Variants in LRBA observed in about 807,000 individuals in gnomAD.
The protein encoded by LRBA is lipopolysaccharide-responsive and beige-like anchor protein.
LRBA carries 176 observed loss-of-function variants against 330.0 expected under a neutral mutation model. The observed-to-expected ratio is 0.53, with a 90% CI of 0.47 to 0.60. The LOEUF (loss-of-function observed/expected upper bound fraction) is 0.60, where lower values mean the gene tolerates loss of function less well. Ranked by LOEUF, LRBA falls within the 20% of genes least tolerant of loss-of-function variation. The pLI, the probability that LRBA is intolerant of heterozygous loss-of-function variation, is 0.00. For synonymous variants in LRBA, 1,230 were observed against 1,193.0 expected, an observed-to-expected ratio of 1.03 and a Z score of -0.64; for missense variants, 3,259 against 3,444.8, an observed-to-expected ratio of 0.95 and a Z score of 1.35.
intron 40 of LRBA, among the ~76,000 whole-genome samples, chr4:150,499,929 G>A (rs1760037796): frequency 6.6e-6 from 1 of 151,994 alleles, no homozygotes; most frequent in Non-Finnish European, 1.5e-5. Context: ...GGATACTAGA[G>A]GTTGGAAAGT....
At chr4:150,960,998 G>A (rs1269983986) in intron 2 of LRBA, among the ~76,000 whole-genome samples, 1 of 149,156 alleles carries the variant, frequency 6.7e-6, no homozygotes, top group Non-Finnish European at 1.5e-5. Flanking sequence ...AGCTGCCTCA[G>A]GGAACATGGC....
At chr4:150,848,205 G>T (rs1750117339) in intron 26 of LRBA, among the ~76,000 whole-genome samples, 1 of 152,036 alleles carries the variant, frequency 6.6e-6, no homozygotes, top group African/African-American at 2.4e-5. Flanking sequence ...AGTAAAGACG[G>T]GGTTTCACCA....
chr4:150,306,608 C>T (rs1730388236), intron 52 of LRBA, among the ~76,000 whole-genome samples: 1 of 152,060 alleles, frequency 6.6e-6, no homozygotes, highest in Admixed American at 6.5e-5. Context: ...AAGTTTAAGG[C>T]TATTCCTTAT....
intron 45 of LRBA, 26 bp from the exon 46 acceptor site, chr4:150,435,734 C>T (rs756465412): frequency 1.3e-6 from 2 of 1,582,398 alleles, no homozygotes; most frequent in African/African-American, 1.4e-5. Flanking sequence ...TAAAAAAATC[C>T]ATATGTTCCC....
chr4:150,737,934 T>C (rs1021411411), intron 35 of LRBA, among the ~76,000 whole-genome samples: 2 of 151,526 alleles, frequency 1.3e-5, no homozygotes, highest in African/African-American at 2.4e-5. Context: ...ATGGTATGTA[T>C]ATAACCCCAA....
chr4:150,828,636 G>A lies in LRBA; in HGVS notation c.4730-15C>T. ...TGGTGTGATTTCTATATCATACCCA[G>A]AAACACAAGAAATAAACAAACAAAA... On this transcript the variant is annotated splice_polypyrimidine_tract_variant and intron_variant, in intron 29 of 56. Coordinates refer to ENST00000651943, the MANE Select transcript of LRBA (RefSeq NM_001364905.1). 9 of 1,586,582 alleles carry A rather than the reference G, an allele frequency of 5.7e-6. No homozygotes were observed. Among genetic ancestry groups the A allele is most frequent in the Non-Finnish European group, 7.7e-6 (9 of 1,164,796 alleles).
Position 150,828,922 on chromosome 4 carries a change from G to GTGTGTGTGTGT in LRBA, c.4730-302_4730-301insACACACACACA, listed in dbSNP as rs1560878315. On this transcript the variant is annotated intron_variant, in intron 29 of 56. Transcript: ENST00000651943. ...GAAAAAGTCTATAATCTTTTTTGGG[G>GTGTGTGTGTGT]GTGTGTGTGTGTGTGTGTGTGTGTG... Among the ~76,000 whole-genome samples, 306 of 106,234 alleles carry GTGTGTGTGTGT rather than the reference G, an allele frequency of 2.9e-3. 7 individuals carry two copies. Among genetic ancestry groups the GTGTGTGTGTGT allele is most frequent in the East Asian group, 4.6e-3 (17 of 3,732 alleles). 69.7% of individuals were successfully genotyped at this position (106,234 alleles called of 152,430 possible). A position where few individuals can be genotyped will look rare whatever the true frequency, so the allele number is the denominator to read the frequency against.
chr4:150,703,067 G>GT (rs1280488517), intron 36 of LRBA, among the ~76,000 whole-genome samples: 12 of 152,204 alleles, frequency 7.9e-5, no homozygotes, highest in East Asian at 7.7e-4. Context: ...AGGCTGAGGC[G>GT]TAAGAATCGC....
At chr4:151,006,312 G>A (rs1387517927) in intron 2 of LRBA, among the ~76,000 whole-genome samples, 2 of 151,740 alleles carry the variant, frequency 1.3e-5, no homozygotes, top group African/African-American at 4.8e-5. Context: ...GGTGACAGAG[G>A]GAGACTCCGT....
chr4:150,568,430 T>A (rs932647574), intron 40 of LRBA, among the ~76,000 whole-genome samples: 1 of 152,208 alleles, frequency 6.6e-6, no homozygotes, highest in Non-Finnish European at 1.5e-5. Context: ...ATTAAACCAC[T>A]GACAATTTTC....
intron 46 of LRBA, among the ~76,000 whole-genome samples, chr4:150,419,097 G>A (rs1748208811): frequency 6.6e-6 from 1 of 152,106 alleles, no homozygotes; most frequent in African/African-American, 2.4e-5. Context: ...AGGTAACACT[G>A]CTAGGCTAAT....
intron 37 of LRBA, among the ~76,000 whole-genome samples, chr4:150,639,736 AATATATATATATAT>A (rs1212252752): frequency 1.2e-4 from 6 of 51,152 alleles, no homozygotes; most frequent in East Asian, 5.4e-4. Flanking sequence ...CTATGCCCCA[AATATATATATATAT>A]ATATATATAT....
chr4:150,506,698 A>T (rs1237359789), intron 40 of LRBA, among the ~76,000 whole-genome samples: 3 of 152,328 alleles, frequency 2.0e-5, no homozygotes, highest in African/African-American at 7.2e-5. Context: ...CACCACTCTT[A>T]TTCAACATAG....
intron 4 of LRBA, among the ~76,000 whole-genome samples, chr4:150,925,393 G>C (rs1455805182): frequency 1.3e-5 from 2 of 152,034 alleles, no homozygotes; most frequent in Non-Finnish European, 2.9e-5. Context: ...TGTATTTTAT[G>C]GATCTATGTG....
chr4:150,284,111 G>GA (rs1327282400), intron 54 of LRBA, among the ~76,000 whole-genome samples: 24 of 152,302 alleles, frequency 1.6e-4, no homozygotes, highest in African/African-American at 5.5e-4. Flanking sequence ...CTGCCTGTGG[G>GA]ATGCTGACCC....
chr4:150,635,720 C>T (rs2126688145), intron 37 of LRBA, among the ~76,000 whole-genome samples: 1 of 152,200 alleles, frequency 6.6e-6, no homozygotes, highest in East Asian at 1.9e-4. Context: ...AATAATATAA[C>T]TGAAAGTCAG....
At chr4:150,556,626 CT>C (rs1266731591) in intron 40 of LRBA, among the ~76,000 whole-genome samples, 1 of 152,160 alleles carries the variant, frequency 6.6e-6, no homozygotes, top group Non-Finnish European at 1.5e-5. Flanking sequence ...AAATGTGAAC[CT>C]TCTAACATTA....
In LRBA at chr4:150,726,789, C is replaced by T. The variant is rs1253172710; in HGVS notation, c.5754+8469G>A. Among the ~76,000 whole-genome samples the T allele has an allele frequency of 4.6e-5, 7 of 152,054 alleles. No individual in the cohort carries two copies. In the South Asian group the frequency reaches 6.2e-4, roughly 14 times the overall value. Reference sequence around the variant, plus strand: ...GGGATCATAGGTCCCTCCCTCAACACGTGGGGATTACAATTCAAGATGAGA... The same window carrying T: ...GGGATCATAGGTCCCTCCCTCAACATGTGGGGATTACAATTCAAGATGAGA... On this transcript the variant is annotated intron_variant, in intron 36 of 56. Transcript: ENST00000651943.
rs1553964882 is a variant in LRBA at position 150,803,083 on chromosome 4, T to TACACAC, written c.5518+3182_5518+3187dup. On this transcript the variant is annotated intron_variant, in intron 33 of 56. Coordinates refer to ENST00000651943, the MANE Select transcript of LRBA (RefSeq NM_001364905.1). The stretch of plus-strand genomic sequence containing the variant: ...AAAACAAACAAAAAAAAAATATATA[T>TACACAC]ACACACACACACACACACACACACA... 2.4e-3 allele frequency among the ~76,000 whole-genome samples: 304 copies of TACACAC among 128,474 alleles called. 3 individuals are homozygous for TACACAC. Among genetic ancestry groups the TACACAC allele is most frequent in the African/African-American group, 4.8e-3 (157 of 33,050 alleles). The allele number at this position is 128,474 out of a possible 152,430, so 84.3% of individuals were successfully genotyped here.
Sources: allele counts gnomAD v4.1 joint callset (sites outside exome capture counted in the v4.1 genomes callset), GRCh38; gene constraint gnomAD v4.1.1; transcripts MANE v1.5; gene names NCBI Gene and HGNC (gene_info 2026-07-23, HGNC 2026-07-21).